The following SP9 variants were observed in gnomAD, a reference collection of about 807,000 sequenced individuals.
The protein encoded by SP9 is transcription factor Sp9.
A neutral mutation model predicts 23.0 loss-of-function variants in SP9; 5 were observed. That is an observed-to-expected ratio of 0.22 (90% confidence interval 0.11 to 0.46). The LOEUF is 0.46. Ranked by LOEUF, SP9 falls within the 20% of genes least tolerant of loss-of-function variation. SP9 has a pLI of 0.99. For missense variants in SP9, 542 were observed against 724.0 expected, an observed-to-expected ratio of 0.75 and a Z score of 2.88; for synonymous variants, 360 against 356.5, an observed-to-expected ratio of 1.01 and a Z score of -0.11.
chr2:174,337,439 G>C lies in SP9; in HGVS notation c.1354G>C (p.Ala452Pro). 7.5e-7 allele frequency: 1 copy of C among 1,328,134 alleles called. No individual in the cohort carries two copies. Among genetic ancestry groups the C allele is most frequent in the Middle Eastern group, 2.0e-4 (1 of 4,910 alleles). 82.3% of individuals were successfully genotyped at this position (1,328,134 alleles called of 1,614,324 possible). ...CATCCTGCATGACTCCGGCGTCAGT[G>C]CCGCCCGGGCGGCGGCAGCGGCGGC... ...DLILHDSGVSAARAAAAAAAA... is the reference protein window; with the variant it reads ...DLILHDSGVSPARAAAAAAAA... Residue 452 changes from alanine (A) to proline (P), a missense_variant, in exon 2 of 2, where the codon GCC becomes CCC. This residue lies in a region of SP9 where 55 missense variants were observed against 56.1 expected (regional missense o/e 0.98). Transcript: ENST00000394967.
rs1466525247 is a variant in SP9 at position 174,336,924 on chromosome 2, G to T, written c.839G>T (p.Ser280Ile). 1 of 1,483,198 alleles carries T rather than the reference G, an allele frequency of 6.7e-7. No homozygotes were observed. The highest frequency in any genetic ancestry group is 8.9e-7 in the Non-Finnish European group (1 of 1,124,496). 91.9% of individuals were successfully genotyped at this position (1,483,198 alleles called of 1,614,324 possible). A position where few individuals can be genotyped will look rare whatever the true frequency, so the allele number is the denominator to read the frequency against. ...SSAAVAAAAA[S>I]AMISGAAAAA... ...GCCGCCGTGGCAGCCGCCGCCGCCAGCGCCATGATATCGGGCGCCGCGGCT... is the reference window on the plus strand; with the variant it reads ...GCCGCCGTGGCAGCCGCCGCCGCCATCGCCATGATATCGGGCGCCGCGGCT... The change falls in exon 2 of 2, where the codon AGC becomes ATC. Residue 280 changes from serine (S) to isoleucine (I), a missense_variant. Ser to Ile is a moderately radical substitution (Grantham distance 142). Coordinates refer to ENST00000394967, the MANE Select transcript of SP9 (RefSeq NM_001145250.2).
intron 1 of SP9, 134 bp from the exon 2 acceptor site, chr2:174,335,973 G>A: frequency 1.2e-6 from 1 of 801,256 alleles, no homozygotes; most frequent in Non-Finnish European, 1.9e-6. Context: ...TGGGGAGGAG[G>A]CGCGAGGCGG....
At chr2:174,335,978 A>G in intron 1 of SP9, 129 bp from the exon 2 acceptor site, 1 of 832,134 alleles carries the variant, frequency 1.2e-6, no homozygotes, top group South Asian at 1.9e-5. Flanking sequence ...AGGAGGCGCG[A>G]GGCGGGGAGC....
intron 1 of SP9, chr2:174,335,849 C>T: frequency 4.0e-6 from 2 of 498,026 alleles, no homozygotes; most frequent in South Asian, 2.7e-5. Context: ...GCGGGGAACA[C>T]GGAGGCATCT....
chr2:174,335,388 C>T, intron 1 of SP9: 1 of 488,932 alleles, frequency 2.0e-6, no homozygotes, highest in Non-Finnish European at 3.7e-6. Context: ...GATTTATACC[C>T]CATCCCCCGC....
Position 174,337,266 on chromosome 2 carries a change from G to C in SP9, c.1181G>C (p.Cys394Ser). 1 of 1,564,128 alleles carries C rather than the reference G, an allele frequency of 6.4e-7. No individual in the cohort carries two copies. The highest frequency in any genetic ancestry group is 8.7e-7 in the Non-Finnish European group (1 of 1,154,516). Residue 394 changes from cysteine to serine, a missense_variant, in exon 2 of 2, where the codon TGT (cysteine) becomes TCT (serine). This residue lies in a region of SP9 where 31 missense variants were observed against 16.7 expected (regional missense o/e 1.85). Coordinates refer to ENST00000394967, the MANE Select transcript of SP9 (RefSeq NM_001145250.2). ...CACACGGGCGAGAAGCGCTTCGCCT[G>C]TCCGGTGTGCAACAAGCGCTTCATG... ...RTHTGEKRFA[C>S]PVCNKRFMRS...
chr2:174,336,674 G>C lies in SP9; in HGVS notation c.589G>C (p.Ala197Pro), dbSNP rs1167062204. Reference sequence around the variant, plus strand: ...CTCGTGGCTGGAAGTGCAGAACCCCGCTGGGGGGCTCCAGAGCTCGCTGCA... The same window carrying C: ...CTCGTGGCTGGAAGTGCAGAACCCCCCTGGGGGGCTCCAGAGCTCGCTGCA... ...PGSWLEVQNP[A>P]GGLQSSLHSG... The change falls in exon 2 of 2, where the codon GCT becomes CCT. Residue 197 changes from alanine (A) to proline (P), a missense_variant. Physicochemically the swap from Ala to Pro is conservative, Grantham distance 27. This residue lies in a region of SP9 where 144 missense variants were observed against 158.7 expected (regional missense o/e 0.91). Coordinates refer to ENST00000394967, the MANE Select transcript of SP9 (RefSeq NM_001145250.2). 1.3e-6 allele frequency: 2 copies of C among 1,516,916 alleles called. No homozygotes were observed. The highest frequency in any genetic ancestry group is 2.0e-5 in the Admixed American group (1 of 49,438). 94.0% of individuals were successfully genotyped at this position (1,516,916 alleles called of 1,614,324 possible). A position where few individuals can be genotyped will look rare whatever the true frequency, so the allele number is the denominator to read the frequency against.
Position 174,336,649 on chromosome 2 carries a change from C to G in SP9, c.564C>G (p.Gly188=). 6.7e-7 allele frequency: 1 copy of G among 1,498,688 alleles called. No individual in the cohort carries two copies. The highest frequency in any genetic ancestry group is 8.9e-7 in the Non-Finnish European group (1 of 1,128,902). The allele number at this position is 1,498,688 out of a possible 1,614,324, so 92.8% of individuals were successfully genotyped here. A position where few individuals can be genotyped will look rare whatever the true frequency, so the allele number is the denominator to read the frequency against. The change falls in exon 2 of 2, where the codon GGC becomes GGG. Residue 188 remains glycine (G), a synonymous_variant. Coordinates refer to ENST00000394967, the MANE Select transcript of SP9 (RefSeq NM_001145250.2). ...SSWWDVHSSP[G]SWLEVQNPAG... Reference sequence around the variant, plus strand: ...GGTGGGACGTGCACAGCAGCCCGGGCTCGTGGCTGGAAGTGCAGAACCCCG... The same window carrying G: ...GGTGGGACGTGCACAGCAGCCCGGGGTCGTGGCTGGAAGTGCAGAACCCCG...
intron 1 of SP9, 144 bp from the exon 2 acceptor site, chr2:174,335,963 T>G (rs1684402830): frequency 1.4e-6 from 1 of 733,850 alleles, no homozygotes; most frequent in Non-Finnish European, 2.2e-6. Flanking sequence ...CGCGGGCGCG[T>G]GGGGAGGAGG....
At position 174,335,011 on chromosome 2, in the gene SP9, C is replaced by T; in HGVS notation, c.-82C>T. The T allele has an allele frequency of 6.7e-7, 1 of 1,490,360 alleles. No individual in the cohort carries two copies. Among genetic ancestry groups the T allele is most frequent in the Admixed American group, 2.0e-5 (1 of 49,684 alleles). 92.3% of individuals were successfully genotyped at this position (1,490,360 alleles called of 1,614,324 possible). On this transcript the variant is annotated 5_prime_UTR_variant, in exon 1 of 2. Transcript: ENST00000394967. ...GGCACGAGCGCGGGGACGCGGGAGC[C>T]GCGCGGGACCCAAGCAGTTTTTCCG...
Position 174,334,971 on chromosome 2 carries a change from G to C in SP9, c.-122G>C. ...CTTAGGCTGAGTTTAGCCGGCGGGA[G>C]CCTGGAGTCCGCTCGGCACGAGCGC... On this transcript the variant is annotated 5_prime_UTR_variant, in exon 1 of 2. Transcript: ENST00000394967. 8.6e-7 allele frequency: 1 copy of C among 1,163,096 alleles called. No individual in the cohort carries two copies. The highest frequency in any genetic ancestry group is 1.3e-5 in the South Asian group (1 of 74,170). The allele number at this position is 1,163,096 out of a possible 1,614,324, so 72.0% of individuals were successfully genotyped here.
rs766194129 is a variant in SP9, at chr2:174,337,447, GGCGGCGGCAGCGGCGGCGGCGGCA to G, written c.1371_1394del (p.Ala463_Ala470del). ...ATGACTCCGGCGTCAGTGCCGCCCGGGCGGCGGCAGCGGCGGCGGCGGCAGCGGCGGCGGCGGCGGCGGCGGCCT... is the reference window on the plus strand; with the variant it reads ...ATGACTCCGGCGTCAGTGCCGCCCGGGCGGCGGCGGCGGCGGCGGCGGCCT... On this transcript the variant is annotated inframe_deletion, in exon 2 of 2. Transcript: ENST00000394967. 19 of 1,257,222 alleles carry G rather than the reference GGCGGCGGCAGCGGCGGCGGCGGCA, an allele frequency of 1.5e-5. 3 individuals are homozygous for G. The South Asian group carries it at 2.0e-4, about 13-fold the overall frequency. The allele number at this position is 1,257,222 out of a possible 1,614,324, so 77.9% of individuals were successfully genotyped here. A position where few individuals can be genotyped will look rare whatever the true frequency, so the allele number is the denominator to read the frequency against.
chr2:174,336,240 G>C lies in SP9; in HGVS notation c.155G>C (p.Arg52Pro). The change falls in exon 2 of 2, where the codon CGC becomes CCC. Residue 52 changes from arginine (R) to proline (P), a missense_variant. Transcript: ENST00000394967. ...AAAGGCGGCTTTCACCCCTGGAAGC[G>C]CTCCTCGTCCAGCTGCAACCTCGGC... ...FAKGGFHPWKRSSSSCNLGSS... is the reference protein window; with the variant it reads ...FAKGGFHPWKPSSSSCNLGSS... The C allele has an allele frequency of 2.6e-6, 4 of 1,547,700 alleles. No homozygotes were observed. The highest frequency in any genetic ancestry group is 3.5e-6 in the Non-Finnish European group (4 of 1,145,634).
Position 174,335,981 on chromosome 2 carries a change from C to A in SP9, c.22-126C>A, listed in dbSNP as rs891055585. ...GGGCGCGTGGGGAGGAGGCGCGAGG[C>A]GGGGAGCCAGGACCCCCCGGGAGCA... On this transcript the variant is annotated intron_variant, in intron 1 of 1. Coordinates refer to ENST00000394967, the MANE Select transcript of SP9 (RefSeq NM_001145250.2). 9 of 864,904 alleles carry A rather than the reference C, an allele frequency of 1.0e-5. No individual in the cohort carries two copies. In the Admixed American group the frequency reaches 1.2e-4, roughly 12 times the overall value. 53.6% of individuals were successfully genotyped at this position (864,904 alleles called of 1,614,324 possible).
At position 174,334,957 on chromosome 2, in the gene SP9, T is replaced by A; in HGVS notation, c.-136T>A. On this transcript the variant is annotated 5_prime_UTR_variant, in exon 1 of 2. Transcript: ENST00000394967. ...GGGTGCTCCTCGCACTTAGGCTGAGTTTAGCCGGCGGGAGCCTGGAGTCCG... is the reference window on the plus strand; with the variant it reads ...GGGTGCTCCTCGCACTTAGGCTGAGATTAGCCGGCGGGAGCCTGGAGTCCG... 9.7e-7 allele frequency: 1 copy of A among 1,033,784 alleles called. No homozygotes were observed. The allele number at this position is 1,033,784 out of a possible 1,614,324, so 64.0% of individuals were successfully genotyped here.
At chr2:174,335,906 T>G (rs1384737540) in intron 1 of SP9, 1 of 555,920 alleles carries the variant, frequency 1.8e-6, no homozygotes. Context: ...GCCTGGACCT[T>G]CGCCCGGGTG....
In SP9 at chr2:174,336,995, G is replaced by T. The variant is rs1454388758; in HGVS notation, c.910G>T (p.Gly304Cys). ...SSARSARRYSGRATCDCPNCQ... is the reference protein window; with the variant it reads ...SSARSARRYSCRATCDCPNCQ... ...GGCACGCTCTGCCCGCCGCTACTCG[G>T]GCCGCGCCACCTGCGACTGCCCCAA... The change falls in exon 2 of 2, where the codon GGC (glycine) becomes TGC (cysteine). Residue 304 changes from glycine to cysteine, a missense_variant. This residue lies in a region of SP9 where 56 missense variants were observed against 97.8 expected (regional missense o/e 0.57). Transcript: ENST00000394967. 1 of 1,450,418 alleles carries T rather than the reference G, an allele frequency of 6.9e-7. No individual in the cohort carries two copies. Among genetic ancestry groups the T allele is most frequent in the African/African-American group, 1.5e-5 (1 of 67,232 alleles). The allele number at this position is 1,450,418 out of a possible 1,614,324, so 89.8% of individuals were successfully genotyped here. A position where few individuals can be genotyped will look rare whatever the true frequency, so the allele number is the denominator to read the frequency against.
chr2:174,337,503 G>A lies in SP9; in HGVS notation c.1418G>A (p.Gly473Glu). The A allele has an allele frequency of 1.7e-6, 2 of 1,188,066 alleles. No homozygotes were observed. Among genetic ancestry groups the A allele is most frequent in the Non-Finnish European group, 2.1e-6 (2 of 956,100 alleles). The allele number at this position is 1,188,066 out of a possible 1,614,324, so 73.6% of individuals were successfully genotyped here. A position where few individuals can be genotyped will look rare whatever the true frequency, so the allele number is the denominator to read the frequency against. The stretch of plus-strand genomic sequence containing the variant: ...GCGGCGGCGGCGGCGGCCTCCGCGG[G>A]AGGCAAGGAAGCAGCGTCTGGCCCC... ...AAAAAAAASA[G>E]GKEAASGPND... is the part of the protein sequence containing the mutation. Residue 473 changes from glycine (G) to glutamate (E), a missense_variant, in exon 2 of 2, where the codon GGA (glycine) becomes GAA (glutamate). Physicochemically the swap from Gly to Glu is moderately conservative, Grantham distance 98 (BLOSUM62 -2). Around this residue, in one of 8 missense-constraint regions of SP9, gnomAD observed 55 missense variants for 56.1 expected, o/e 0.98. Transcript: ENST00000394967.
At chr2:174,335,859 TTTGA>T (rs1684399791) in intron 1 of SP9, 1 of 508,102 alleles carries the variant, frequency 2.0e-6, no homozygotes, top group South Asian at 2.6e-5. Context: ...CGGAGGCATC[TTTGA>T]TTTATAGCCT....
Sources: gnomAD v4.1 joint callset for allele counts on GRCh38, gnomAD v4.1.1 for gene constraint, gnomAD v4.1.1 regional missense constraint, MANE v1.5 for transcripts, NCBI Gene and HGNC (gene_info 2026-07-23, HGNC 2026-07-21) for gene names.